Variants in SNX18 observed in about 807,000 individuals in gnomAD.
SNX18 encodes the protein sorting nexin-18.
SNX18 carries 35 observed loss-of-function variants against 48.7 expected under a neutral mutation model. That is an observed-to-expected ratio of 0.72 (90% confidence interval 0.55 to 0.95). SNX18 has a LOEUF of 0.95. SNX18 is among the 40% of genes least tolerant of loss of function. The pLI is 0.00. For synonymous variants in SNX18, 492 were observed against 384.7 expected (o/e 1.28, Z -3.26); for missense variants, 824 against 871.0 (o/e 0.95, Z 0.68).
At chr5:54,596,383 G>T in the SNX18 span, among the ~76,000 whole-genome samples, 2 of 152,198 alleles carry the variant, frequency 1.3e-5, no homozygotes, top group South Asian at 4.1e-4. Flanking sequence ...TGGAGGAAAA[G>T]GGGCCTAGGA....
the SNX18 span, among the ~76,000 whole-genome samples, chr5:54,634,604 C>T: frequency 6.6e-6 from 1 of 151,972 alleles, no homozygotes; most frequent in Non-Finnish European, 1.5e-5. Context: ...ATTCTTCTCC[C>T]AATGTGGCTC....
chr5:54,591,239 G>A, the SNX18 span, among the ~76,000 whole-genome samples: 1 of 151,970 alleles, frequency 6.6e-6, no homozygotes, highest in African/African-American at 2.4e-5. Context: ...GAGTGCAGTG[G>A]TGTGATCATA....
chr5:54,644,174 G>A, the SNX18 span: 28 of 152,204 alleles, frequency 1.8e-4, no homozygotes, highest in African/African-American at 5.1e-4. Flanking sequence ...TGCAAATAAG[G>A]CCTGGGCCAA....
the SNX18 span, among the ~76,000 whole-genome samples, chr5:54,604,627 G>A: frequency 6.6e-6 from 1 of 152,254 alleles, no homozygotes; most frequent in South Asian, 2.1e-4. Context: ...AGGTAATAGG[G>A]TGTCACTATT....
the SNX18 span, among the ~76,000 whole-genome samples, chr5:54,578,550 C>T: frequency 2.6e-5 from 4 of 152,192 alleles, no homozygotes; most frequent in African/African-American, 9.6e-5. Context: ...GTCATGAAGA[C>T]AGAGGAGCAG....
At chr5:54,641,028 C>T in the SNX18 span, among the ~76,000 whole-genome samples, 1 of 152,000 alleles carries the variant, frequency 6.6e-6, no homozygotes, top group Non-Finnish European at 1.5e-5. Context: ...CCACTGTACT[C>T]CAGCCTGCAC....
intron 1 of SNX18, among the ~76,000 whole-genome samples, chr5:54,531,701 C>T (rs978683637): frequency 1.2e-4 from 19 of 152,136 alleles, no homozygotes; most frequent in African/African-American, 4.6e-4. Flanking sequence ...GACACCTGGG[C>T]CCTGCCAGTG....
At chr5:54,622,176 C>T in the SNX18 span, among the ~76,000 whole-genome samples, 1 of 152,166 alleles carries the variant, frequency 6.6e-6, no homozygotes, top group African/African-American at 2.4e-5. Context: ...AAATGCCACC[C>T]TTAACCAAGA....
chr5:54,521,761 T>G (rs1197199872), intron 1 of SNX18, among the ~76,000 whole-genome samples: 1 of 152,192 alleles, frequency 6.6e-6, no homozygotes, highest in Non-Finnish European at 1.5e-5. Flanking sequence ...GAGACAGGTG[T>G]CTTGCTATGT....
chr5:54,547,860 C>T (rs1418123564), downstream of SNX18, among the ~76,000 whole-genome samples: 2 of 152,220 alleles, frequency 1.3e-5, no homozygotes, highest in Non-Finnish European at 2.9e-5. Context: ...GTCAGGGTTA[C>T]TCATGAGTAC....
chr5:54,618,636 G>C, the SNX18 span, among the ~76,000 whole-genome samples: 1 of 152,312 alleles, frequency 6.6e-6, no homozygotes, highest in South Asian at 2.1e-4. Flanking sequence ...TTTTCCTTTG[G>C]AGTAGAAAGT....
the SNX18 span, among the ~76,000 whole-genome samples, chr5:54,638,525 T>G: frequency 6.1e-5 from 6 of 98,018 alleles, no homozygotes; most frequent in African/African-American, 2.8e-4. Flanking sequence ...GAAGAATTTT[T>G]ATTTTAAGAG....
rs1378404579 is a variant in SNX18 at position 54,533,772 on chromosome 5, G to C, written c.1622-9407G>C. On this transcript the variant is annotated intron_variant, in intron 1 of 1. Transcript: ENST00000381410. ...ATCAAGTGGCTGGACGGCTGCCCTA[G>C]TTCTCTATTTTAAGTGGATGCTGGC... Among the ~76,000 whole-genome samples, 8 of 152,344 alleles carry C rather than the reference G, an allele frequency of 5.3e-5. No individual in the cohort carries two copies. In the East Asian group the frequency reaches 1.5e-3, roughly 29 times the overall value.
At position 54,519,211 on chromosome 5, in the gene SNX18, A is replaced by T. The variant is rs1561111844; in HGVS notation, c.1259A>T (p.Asp420Val). ...AGCACGCCCCCCGCCGCTGCCCTTG[A>T]CCTGCAGGAGGTGGAGAGCAAGATC... ...TLSTPPAAALDLQEVESKIDG... is the reference protein window; with the variant it reads ...TLSTPPAAALVLQEVESKIDG... The change falls in exon 1 of 2, where the codon GAC becomes GTC. Residue 420 changes from aspartate to valine, a missense_variant. This residue lies in a region of SNX18 where 443 missense variants were observed against 503.6 expected (regional missense o/e 0.88). Transcript: ENST00000381410. 6.2e-7 allele frequency: 1 copy of T among 1,613,936 alleles called. No homozygotes were observed. The highest frequency in any genetic ancestry group is 8.5e-7 in the Non-Finnish European group (1 of 1,180,024).
chr5:54,582,816 G>A, the SNX18 span, among the ~76,000 whole-genome samples: 1 of 145,646 alleles, frequency 6.9e-6, no homozygotes. Flanking sequence ...AAAAAGAAAA[G>A]TTAAACACAT....
At chr5:54,570,286 T>G in the SNX18 span, among the ~76,000 whole-genome samples, 1 of 152,224 alleles carries the variant, frequency 6.6e-6, no homozygotes, top group Non-Finnish European at 1.5e-5. Context: ...GACCCTCCCT[T>G]AGAGCCTTCA....
the SNX18 span, among the ~76,000 whole-genome samples, chr5:54,558,939 T>TTACTAACTTAAC: frequency 6.6e-6 from 1 of 151,940 alleles, no homozygotes; most frequent in Non-Finnish European, 1.5e-5. Context: ...GTATGGAGGT[T>TTACTAACTTAAC]TTAAAACTAA....
rs1052473199 is a variant in SNX18 at position 54,518,526 on chromosome 5, C to A, written c.574C>A (p.Arg192Ser). The change falls in exon 1 of 2, where the codon CGC becomes AGC. Residue 192 changes from arginine to serine, a missense_variant. By Grantham distance (110) the Arg-to-Ser change is moderately radical. This residue lies in a region of SNX18 where 377 missense variants were observed against 350.6 expected (regional missense o/e 1.08). Coordinates refer to ENST00000381410, the MANE Select transcript of SNX18 (RefSeq NM_001102575.2). Reference sequence around the variant, plus strand: ...TTCGGCGGGTGTGGGCGCAGCCGGCCGCTACCGCCTGTCCACGCGCTCCGA... The same window carrying A: ...TTCGGCGGGTGTGGGCGCAGCCGGCAGCTACCGCCTGTCCACGCGCTCCGA... ...SSSAGVGAAG[R>S]YRLSTRSDLS... is the part of the protein sequence containing the mutation. The A allele has an allele frequency of 3.2e-6, 5 of 1,563,068 alleles. No homozygotes were observed. In the Admixed American group the frequency reaches 7.5e-5, roughly 24 times the overall value.
At chr5:54,562,648 C>G in the SNX18 span, among the ~76,000 whole-genome samples, 5 of 152,298 alleles carry the variant, frequency 3.3e-5, no homozygotes, top group South Asian at 1.0e-3. Flanking sequence ...AACACAACTA[C>G]GTACAGTACC....
Sources: gnomAD v4.1 joint callset for allele counts (sites outside exome capture counted in the v4.1 genomes callset) on GRCh38, gnomAD v4.1.1 for gene constraint, gnomAD v4.1.1 regional missense constraint, MANE v1.5 for transcripts, NCBI Gene and HGNC (gene_info 2026-07-23, HGNC 2026-07-21) for gene names.